The following RAPGEF4 variants were observed in gnomAD, a reference collection of about 807,000 sequenced individuals.
RAPGEF4 encodes Rap guanine nucleotide exchange factor 4.
Under a neutral mutation model 147.9 loss-of-function variants are expected in RAPGEF4, and 66 were observed. The observed-to-expected ratio is 0.45, with a 90% CI of 0.37 to 0.55. The LOEUF is 0.55. RAPGEF4 is among the 20% of genes least tolerant of loss of function. RAPGEF4 has a pLI of 0.00. For synonymous variants in RAPGEF4, 419 were observed against 442.7 expected, an observed-to-expected ratio of 0.95 and a Z score of 0.67; for missense variants, 1,071 against 1,257.3, an observed-to-expected ratio of 0.85 and a Z score of 2.24.
At chr2:172,888,111 C>T (rs1697455830) in intron 4 of RAPGEF4, among the ~76,000 whole-genome samples, 1 of 152,192 alleles carries the variant, frequency 6.6e-6, no homozygotes, top group Non-Finnish European at 1.5e-5. Flanking sequence ...CAAGAAGTCA[C>T]TGATTAATAA....
chr2:172,824,105 G>A (rs1689409509), intron 4 of RAPGEF4, among the ~76,000 whole-genome samples: 1 of 152,196 alleles, frequency 6.6e-6, no homozygotes, highest in Non-Finnish European at 1.5e-5. Context: ...AAAATATAGG[G>A]CAGTAGTTCA....
intron 1 of RAPGEF4, among the ~76,000 whole-genome samples, chr2:172,740,019 C>G (rs1189876749): frequency 1.3e-5 from 2 of 152,188 alleles, no homozygotes; most frequent in Non-Finnish European, 2.9e-5. Flanking sequence ...TGTCTATAAA[C>G]AAAGTTTTAT....
intron 4 of RAPGEF4, among the ~76,000 whole-genome samples, chr2:172,858,394 A>G (rs1431378818): frequency 1.3e-5 from 2 of 152,224 alleles, no homozygotes; most frequent in African/African-American, 4.8e-5. Flanking sequence ...TTCAAACTGA[A>G]GGAGAAGGCC....
chr2:172,919,326 G>A (rs1460928366), intron 5 of RAPGEF4, among the ~76,000 whole-genome samples: 2 of 151,936 alleles, frequency 1.3e-5, no homozygotes, highest in Admixed American at 6.6e-5. Flanking sequence ...GTCACTCTTC[G>A]ACCCCTCAAA....
chr2:172,818,720 C>T (rs1207702607), intron 4 of RAPGEF4, among the ~76,000 whole-genome samples: 1 of 152,112 alleles, frequency 6.6e-6, no homozygotes, highest in African/African-American at 2.4e-5. Context: ...ACAGGTAGCA[C>T]AGTCAAAAAG....
chr2:172,887,474 T>G (rs1697370137), intron 4 of RAPGEF4, among the ~76,000 whole-genome samples: 1 of 152,260 alleles, frequency 6.6e-6, no homozygotes, highest in African/African-American at 2.4e-5. Flanking sequence ...GGGCAGGGGT[T>G]GTGAAACTAT....
intron 16 of RAPGEF4, among the ~76,000 whole-genome samples, chr2:173,000,933 A>G (rs1033007342): frequency 1.4e-4 from 21 of 152,046 alleles, no homozygotes; most frequent in Non-Finnish European, 1.5e-5. Flanking sequence ...AGAAACGACC[A>G]TGTCTTCGTT....
intron 6 of RAPGEF4, among the ~76,000 whole-genome samples, chr2:172,950,352 GTAGT>G (rs1688092693): frequency 6.6e-6 from 1 of 152,160 alleles, no homozygotes; most frequent in South Asian, 2.1e-4. Context: ...TCTGCCTCAA[GTAGT>G]TAGAATAAGG....
chr2:172,926,706 G>A (rs1685398904), intron 6 of RAPGEF4, among the ~76,000 whole-genome samples: 1 of 152,008 alleles, frequency 6.6e-6, no homozygotes, highest in Non-Finnish European at 1.5e-5. Flanking sequence ...TGAGTAGCTG[G>A]GACTACAGGC....
At chr2:173,046,968 T>A (rs773226672) in intron 29 of RAPGEF4, among the ~76,000 whole-genome samples, 1 of 152,224 alleles carries the variant, frequency 6.6e-6, no homozygotes, top group Non-Finnish European at 1.5e-5. Context: ...AGTCATTTTC[T>A]TATACTTTGG....
chr2:172,831,266 C>CTTTTTTTTTTTTTT (rs71018521), intron 4 of RAPGEF4, among the ~76,000 whole-genome samples: 3,537 of 53,662 alleles, frequency 0.066, 1,109 homozygotes, highest in Middle Eastern at 0.12. Context: ...AGATAGAAAA[C>CTTTTTTTTTTTTTT]TTTTTTTTTT....
At chr2:173,014,384 G>A in intron 17 of RAPGEF4, 80 bp from the exon 18 acceptor site, 1 of 1,569,300 alleles carries the variant, frequency 6.4e-7, no homozygotes, top group Non-Finnish European at 8.7e-7. Flanking sequence ...CTGAAGCTGG[G>A]ATCTGTCACT....
chr2:173,000,519 G>A (rs2105795755), intron 16 of RAPGEF4, among the ~76,000 whole-genome samples: 1 of 152,296 alleles, frequency 6.6e-6, no homozygotes, highest in African/African-American at 2.4e-5. Context: ...GCCAGGGCAT[G>A]TTGTCTGCAA....
At chr2:172,945,556 C>T (rs1333572690) in intron 6 of RAPGEF4, among the ~76,000 whole-genome samples, 2 of 151,818 alleles carry the variant, frequency 1.3e-5, no homozygotes, top group East Asian at 1.9e-4. Flanking sequence ...CAGATAAATA[C>T]GCTCACATGC....
chr2:172,857,300 T>C (rs1334972929), intron 4 of RAPGEF4, among the ~76,000 whole-genome samples: 1 of 152,118 alleles, frequency 6.6e-6, no homozygotes, highest in Non-Finnish European at 1.5e-5. Context: ...TTTCTTCCAA[T>C]GGGAGCTTTT....
intron 4 of RAPGEF4, among the ~76,000 whole-genome samples, chr2:172,879,125 T>A (rs997776228): frequency 6.6e-6 from 1 of 152,230 alleles, no homozygotes; most frequent in South Asian, 2.1e-4. Flanking sequence ...TTGGTAGTAT[T>A]GTTTGCTATA....
At chr2:173,027,680 C>G (rs952928163) in intron 25 of RAPGEF4, among the ~76,000 whole-genome samples, 1 of 152,196 alleles carries the variant, frequency 6.6e-6, no homozygotes, top group African/African-American at 2.4e-5. Flanking sequence ...ACATCCAGCC[C>G]AGACAGAATT....
intron 17 of RAPGEF4, among the ~76,000 whole-genome samples, chr2:173,013,767 C>T (rs1695245502): frequency 6.6e-6 from 1 of 152,184 alleles, no homozygotes. Flanking sequence ...CATCCCAAGC[C>T]TCAAGGTGCT....
At position 172,932,057 on chromosome 2, in the gene RAPGEF4, G is replaced by A. The variant is rs780457342; in HGVS notation, c.537+9757G>A. 1.9e-3 allele frequency among the ~76,000 whole-genome samples: 240 copies of A among 129,426 alleles called. 1 individual carries two copies. The highest frequency in any genetic ancestry group is 2.9e-3 in the Non-Finnish European group (187 of 64,082). The allele number at this position is 129,426 out of a possible 152,430, so 84.9% of individuals were successfully genotyped here. On this transcript the variant is annotated intron_variant, in intron 6 of 30. Transcript: ENST00000397081. ...TGTTTTCTTCCTTTTTCTCAATTTG[G>A]TGTTTGGCATATTCAGAAAAACACG...
Sources: allele counts gnomAD v4.1 joint callset (sites outside exome capture counted in the v4.1 genomes callset), GRCh38; gene constraint gnomAD v4.1.1; transcripts MANE v1.5; gene names NCBI Gene and HGNC (gene_info 2026-07-23, HGNC 2026-07-21).